Variants in DNTTIP1 observed in about 807,000 individuals in gnomAD.
DNTTIP1 encodes the protein deoxynucleotidyltransferase terminal-interacting protein 1.
In DNTTIP1, 22 loss-of-function variants were observed where a neutral mutation model predicts 52.9. The ratio of observed to expected loss-of-function variants is 0.42; its 90% confidence interval spans 0.30 to 0.59. DNTTIP1 has a LOEUF of 0.59. DNTTIP1 is among the 20% of genes least tolerant of loss of function. DNTTIP1 has a pLI of 0.22. For missense variants in DNTTIP1, 286 were observed against 435.5 expected (o/e 0.66, Z 3.06); for synonymous variants, 136 against 155.1 (o/e 0.88, Z 0.92).
intron 3 of DNTTIP1, 90 bp downstream of exon 3, chr20:45,794,107 A>G (rs528147977): frequency 6.5e-4 from 461 of 709,444 alleles, no homozygotes; most frequent in Middle Eastern, 3.7e-3. Context: ...TCTTTCCTAC[A>G]TACAGATATC....
At chr20:45,801,964 A>T in intron 6 of DNTTIP1, 35 bp from the exon 7 acceptor site, 1 of 1,610,656 alleles carries the variant, frequency 6.2e-7, no homozygotes. Context: ...GAGTAACCAC[A>T]GGGTCAGACC....
chr20:45,803,484 A>G, intron 8 of DNTTIP1, 106 bp downstream of exon 8: 2 of 1,239,512 alleles, frequency 1.6e-6, no homozygotes, highest in South Asian at 1.3e-5. Context: ...GTGCATGCAC[A>G]CCATTCCAGA....
At position 45,811,266 on chromosome 20, in the gene DNTTIP1, C is replaced by T. The variant is rs1308620139; in HGVS notation, c.*71C>T. The T allele has an allele frequency of 2.0e-6, 3 of 1,526,304 alleles. No homozygotes were observed. The highest frequency in any genetic ancestry group is 2.6e-6 in the Non-Finnish European group (3 of 1,138,222). The allele number at this position is 1,526,304 out of a possible 1,614,324, so 94.5% of individuals were successfully genotyped here. The stretch of plus-strand genomic sequence containing the variant: ...CTTCCTCACGTGGCTGAGGCCACCG[C>T]TGGGACTGCTCCTAGATGGATCTCA... On this transcript the variant is annotated 3_prime_UTR_variant, in exon 13 of 13. Coordinates refer to ENST00000372622, the MANE Select transcript of DNTTIP1 (RefSeq NM_052951.3).
rs896128507 is a variant in DNTTIP1, at chr20:45,809,458, A to G, written c.795+273A>G. On this transcript the variant is annotated intron_variant, in intron 11 of 12. Coordinates refer to ENST00000372622, the MANE Select transcript of DNTTIP1 (RefSeq NM_052951.3). The surrounding 1 kb of genome is among the most constrained non-coding windows in gnomAD (Gnocchi z 4.2). ...TGGATACTATTAGCTGTCCATAGGA[A>G]TAGCAGGTATAAGACACACAGTACT... Among the ~76,000 whole-genome samples, 20 of 152,244 alleles carry G rather than the reference A, an allele frequency of 1.3e-4. No homozygotes were observed. The highest frequency in any genetic ancestry group is 4.6e-4 in the African/African-American group (19 of 41,464).
chr20:45,794,135 G>A (rs1981148139), intron 3 of DNTTIP1, 118 bp downstream of exon 3: 1 of 566,400 alleles, frequency 1.8e-6, no homozygotes, highest in African/African-American at 1.9e-5. Context: ...TTCCTTTCTT[G>A]TTGTTTTTGT....
At position 45,811,057 on chromosome 20, in the gene DNTTIP1, A is replaced by G; in HGVS notation, c.852A>G (p.Arg284=). 1 of 1,613,684 alleles carries G rather than the reference A, an allele frequency of 6.2e-7. No individual in the cohort carries two copies. The highest frequency in any genetic ancestry group is 8.5e-7 in the Non-Finnish European group (1 of 1,179,706). ...IRDLAASDDY[R]GCLDLKLEEL... is the part of the protein sequence containing the mutation. ...CTTCTCTCTTCAATGTCTGTTCCAGAGGATGCCTGGATCTGAAGCTAGAGG... is the reference window on the plus strand; with the variant it reads ...CTTCTCTCTTCAATGTCTGTTCCAGGGGATGCCTGGATCTGAAGCTAGAGG... Residue 284 remains arginine, a splice_region_variant and synonymous_variant, in exon 13 of 13, where the codon AGA becomes AGG. Coordinates refer to ENST00000372622, the MANE Select transcript of DNTTIP1 (RefSeq NM_052951.3).
intron 4 of DNTTIP1, among the ~76,000 whole-genome samples, chr20:45,798,212 C>T (rs1476690422): frequency 6.6e-6 from 1 of 152,050 alleles, no homozygotes; most frequent in Non-Finnish European, 1.5e-5. Context: ...AACCATCATT[C>T]TCAGCAAACT....
Position 45,801,073 on chromosome 20 carries a change from G to A in DNTTIP1, c.373-1G>A. ...GTAACACTTGGTCTTTTTCCCTTCA[G>A]GCTAAACTGCTCTTTTCAGATGGAG... On this transcript the variant is annotated splice_acceptor_variant, in intron 4 of 12. Coordinates refer to ENST00000372622, the MANE Select transcript of DNTTIP1 (RefSeq NM_052951.3). LOFTEE classifies it high-confidence loss of function. 1 of 1,613,760 alleles carries A rather than the reference G, an allele frequency of 6.2e-7. No individual in the cohort carries two copies. The highest frequency in any genetic ancestry group is 8.5e-7 in the Non-Finnish European group (1 of 1,179,882).
chr20:45,798,830 T>G (rs1981330130), intron 4 of DNTTIP1, among the ~76,000 whole-genome samples: 1 of 152,208 alleles, frequency 6.6e-6, no homozygotes, highest in Non-Finnish European at 1.5e-5. Flanking sequence ...GGAATATGAC[T>G]CTTAGTATGT....
chr20:45,810,712 C>A (rs1399082507), intron 11 of DNTTIP1, among the ~76,000 whole-genome samples, 173 bp from the exon 12 acceptor site: 1 of 151,858 alleles, frequency 6.6e-6, no homozygotes, highest in Non-Finnish European at 1.5e-5. Context: ...AAAAGATTGT[C>A]TCAAGGAACC....
intron 2 of DNTTIP1, among the ~76,000 whole-genome samples, 197 bp downstream of exon 2, chr20:45,792,944 A>G (rs1443165021): frequency 6.6e-6 from 1 of 152,214 alleles, no homozygotes; most frequent in Non-Finnish European, 1.5e-5. Flanking sequence ...TCACGTACAA[A>G]ATGGGGAAGG....
At chr20:45,804,814 T>A (rs1291710650) in intron 8 of DNTTIP1, among the ~76,000 whole-genome samples, 1 of 152,120 alleles carries the variant, frequency 6.6e-6, no homozygotes, top group African/African-American at 2.4e-5. Flanking sequence ...GGGAAATGCC[T>A]CTCTAAGGAA....
intron 7 of DNTTIP1, among the ~76,000 whole-genome samples, chr20:45,802,742 T>C (rs947348703): frequency 1.3e-5 from 2 of 152,126 alleles, no homozygotes; most frequent in African/African-American, 4.8e-5. Flanking sequence ...GCATCCACCA[T>C]TCTAGTATCA....
chr20:45,803,257 A>T, intron 7 of DNTTIP1, 76 bp from the exon 8 acceptor site: 1 of 1,460,020 alleles, frequency 6.8e-7, no homozygotes, highest in Non-Finnish European at 9.6e-7. Flanking sequence ...AGGAACTCCT[A>T]CCACCACCAG....
intron 2 of DNTTIP1, 68 bp downstream of exon 2, chr20:45,792,815 G>C: frequency 6.9e-7 from 1 of 1,444,434 alleles, no homozygotes; most frequent in Non-Finnish European, 9.5e-7. Context: ...GGGATCCCCA[G>C]TGCACAAGGC....
Position 45,803,365 on chromosome 20 carries a change from G to A in DNTTIP1, c.590G>A (p.Arg197Gln), listed in dbSNP as rs777735293. 26 of 1,613,978 alleles carry A rather than the reference G, an allele frequency of 1.6e-5. No individual in the cohort carries two copies. Among genetic ancestry groups the A allele is most frequent in the Admixed American group, 5.0e-5 (3 of 59,992 alleles). Residue 197 changes from arginine to glutamine, a missense_variant, in exon 8 of 13, where the codon CGG (arginine) becomes CAG (glutamine). Coordinates refer to ENST00000372622, the MANE Select transcript of DNTTIP1 (RefSeq NM_052951.3). ...CCAAAATCCTGTGAACCAATTCGCC[G>A]GGAAGGCCCCAAGGTATGATTATGT... ...WKPKSCEPIR[R>Q]EGPKWDPARL...
Position 45,792,032 on chromosome 20 carries a change from C to T in DNTTIP1, c.28C>T (p.Pro10Ser). MGATGDAEQ[P>S]RGPSGAERGG... is the part of the protein sequence containing the mutation. ...GGGAGCCACTGGCGACGCCGAGCAG[C>T]CGCGGGGACCTAGCGGGGCCGAGAG... is the stretch of plus-strand genomic sequence containing the variant. Residue 10 changes from proline to serine, a missense_variant, in exon 1 of 13, where the codon CCG becomes TCG. This residue lies in a region of DNTTIP1 where 208 missense variants were observed against 266.5 expected (regional missense o/e 0.78). Coordinates refer to ENST00000372622, the MANE Select transcript of DNTTIP1 (RefSeq NM_052951.3). 2 of 1,275,060 alleles carry T rather than the reference C, an allele frequency of 1.6e-6. No individual in the cohort carries two copies. Among genetic ancestry groups the T allele is most frequent in the African/African-American group, 1.5e-5 (1 of 66,068 alleles). The allele number at this position is 1,275,060 out of a possible 1,614,324, so 79.0% of individuals were successfully genotyped here.
At chr20:45,793,641 A>G (rs970297526) in intron 2 of DNTTIP1, among the ~76,000 whole-genome samples, 1 of 152,204 alleles carries the variant, frequency 6.6e-6, no homozygotes, top group Admixed American at 6.5e-5. Flanking sequence ...CAGAGGTTGC[A>G]GTGAGCCAAA....
intron 12 of DNTTIP1, 37 bp from the exon 13 acceptor site, chr20:45,811,020 C>G (rs772398394): frequency 6.2e-7 from 1 of 1,613,132 alleles, no homozygotes; most frequent in East Asian, 2.2e-5. Context: ...CCTACATCCT[C>G]ACTTCCCCCA....
Sources: gnomAD v4.1 joint callset for allele counts (sites outside exome capture counted in the v4.1 genomes callset) on GRCh38, gnomAD v4.1.1 for gene constraint, gnomAD v4.1.1 regional missense constraint, Gnocchi (gnomAD v3.1) non-coding constraint, MANE v1.5 for transcripts, NCBI Gene and HGNC (gene_info 2026-07-23, HGNC 2026-07-21) for gene names.